FARSB: variants seen among roughly 807,000 people sequenced by gnomAD.
FARSB encodes phenylalanine--tRNA ligase beta subunit.
Under a neutral mutation model 69.6 loss-of-function variants are expected in FARSB, and 40 were observed. The ratio of observed to expected loss-of-function variants is 0.57; its 90% CI spans 0.45 to 0.75. The LOEUF (loss-of-function observed/expected upper bound fraction) is 0.75, where lower values mean the gene tolerates loss of function less well. Ranked by LOEUF, FARSB falls within the 30% of genes least tolerant of loss-of-function variation. The pLI, the probability that FARSB is intolerant of heterozygous loss-of-function variation, is 0.00. For synonymous variants in FARSB, 235 were observed against 247.2 expected, an observed-to-expected ratio of 0.95 and a Z score of 0.46; for missense variants, 632 against 722.9, an observed-to-expected ratio of 0.87 and a Z score of 1.44.
chr2:222,576,585 T>C (rs1033638049), intron 16 of FARSB, among the ~76,000 whole-genome samples: 1 of 152,150 alleles, frequency 6.6e-6, no homozygotes. Context: ...TGAGTAATTA[T>C]GTACTATGGA....
At position 222,615,076 on chromosome 2, in the gene FARSB, A is replaced by G. The variant is rs573930888; in HGVS notation, c.1345-1148T>C. Reference sequence around the variant, plus strand: ...TCATTTCATTCTTCCTATTCCTAAGAAATGCATACCCTGGTACATTAAAAA... The same window carrying G: ...TCATTTCATTCTTCCTATTCCTAAGGAATGCATACCCTGGTACATTAAAAA... On this transcript the variant is annotated intron_variant, in intron 14 of 16. Transcript: ENST00000281828. Among the ~76,000 whole-genome samples the G allele has an allele frequency of 7.2e-5, 11 of 152,322 alleles. No homozygotes were observed. In the East Asian group the frequency reaches 1.9e-3, roughly 27 times the overall value.
chr2:222,592,190 T>C (rs1200534868), intron 16 of FARSB, among the ~76,000 whole-genome samples: 2 of 152,138 alleles, frequency 1.3e-5, no homozygotes, highest in Non-Finnish European at 2.9e-5. Flanking sequence ...TAGTAAGTGC[T>C]CCAGGGGAAA....
In FARSB at chr2:222,570,197, C is replaced by G. The variant is rs1474828099; in HGVS notation, c.*1674G>C. ...CATCTTTTGGGAAATGTTTGCTCAACTCTTGCACATTTTTAAAAAACAGTT... is the reference window on the plus strand; with the variant it reads ...CATCTTTTGGGAAATGTTTGCTCAAGTCTTGCACATTTTTAAAAAACAGTT... On this transcript the variant is annotated 3_prime_UTR_variant, in exon 17 of 17. Coordinates refer to ENST00000281828, the MANE Select transcript of FARSB (RefSeq NM_005687.5). Among the ~76,000 whole-genome samples the G allele has an allele frequency of 6.6e-6, 1 of 152,204 alleles. No homozygotes were observed. The highest frequency in any genetic ancestry group is 2.4e-5 in the African/African-American group (1 of 41,452).
chr2:222,648,829 C>T, intron 1 of FARSB, 34 bp from the exon 2 acceptor site: 3 of 1,423,872 alleles, frequency 2.1e-6, no homozygotes, highest in Non-Finnish European at 3.0e-6. Flanking sequence ...GTTAATTTCA[C>T]TCTGTTCAGT....
chr2:222,625,512 A>C (rs1386859950), intron 10 of FARSB, among the ~76,000 whole-genome samples: 1 of 152,222 alleles, frequency 6.6e-6, no homozygotes, highest in African/African-American at 2.4e-5. Context: ...CAGAAGCACT[A>C]GCATCACCTG....
intron 15 of FARSB, among the ~76,000 whole-genome samples, chr2:222,613,551 A>AAAAT (rs1461542635): frequency 6.6e-6 from 1 of 152,186 alleles, no homozygotes; most frequent in Non-Finnish European, 1.5e-5. Flanking sequence ...CTCCAGGAAA[A>AAAAT]AAATAAATAA....
In FARSB at chr2:222,568,327, T is replaced by C. The variant is rs1689664182; in HGVS notation, c.*3544A>G. Reference sequence around the variant, plus strand: ...GTGTAGAAAGTCCCATTATTTACTTTCGCATAAATAAGTAAATAATGCAAA... The same window carrying C: ...GTGTAGAAAGTCCCATTATTTACTTCCGCATAAATAAGTAAATAATGCAAA... On this transcript the variant is annotated 3_prime_UTR_variant, in exon 17 of 17. Transcript: ENST00000281828. The surrounding 1 kb of genome is among the most constrained non-coding windows in gnomAD (Gnocchi z 4.3). 1 of 152,190 alleles carries C rather than the reference T, an allele frequency of 6.6e-6. No homozygotes were observed. The highest frequency in any genetic ancestry group is 1.5e-5 in the Non-Finnish European group (1 of 68,020). The allele number at this position is 152,190 out of a possible 1,614,324, so 9.4% of individuals were successfully genotyped here. A position where few individuals can be genotyped will look rare whatever the true frequency, so the allele number is the denominator to read the frequency against.
chr2:222,651,968 C>T (rs1461810586), intron 1 of FARSB, among the ~76,000 whole-genome samples: 1 of 152,182 alleles, frequency 6.6e-6, no homozygotes, highest in Non-Finnish European at 1.5e-5. Flanking sequence ...TCAAGAACAT[C>T]CAACATTTGC....
chr2:222,576,471 C>T (rs1369914543), intron 16 of FARSB, among the ~76,000 whole-genome samples: 2 of 152,036 alleles, frequency 1.3e-5, no homozygotes, highest in African/African-American at 4.8e-5. Context: ...TGAGTTTTAA[C>T]TATACATAAG....
intron 5 of FARSB, among the ~76,000 whole-genome samples, chr2:222,639,346 C>A (rs1156432694): frequency 6.6e-6 from 1 of 152,146 alleles, no homozygotes; most frequent in Non-Finnish European, 1.5e-5. Context: ...ATGCATATGG[C>A]ATTTACAAGC....
intron 16 of FARSB, among the ~76,000 whole-genome samples, chr2:222,580,141 T>C (rs904757047): frequency 2.0e-5 from 3 of 151,638 alleles, no homozygotes; most frequent in Non-Finnish European, 4.4e-5. Context: ...ATAAATATTA[T>C]ATATAATGAA....
chr2:222,594,093 CAAAAAAAAAAAA>C (rs33937937), intron 16 of FARSB, among the ~76,000 whole-genome samples: 6 of 51,548 alleles, frequency 1.2e-4, no homozygotes, highest in African/African-American at 6.2e-4. Flanking sequence ...CCCGCCTCTA[CAAAAAAAAAAAA>C]AAAAAAAAAA....
At chr2:222,593,380 A>G (rs1016511461) in intron 16 of FARSB, among the ~76,000 whole-genome samples, 1 of 152,202 alleles carries the variant, frequency 6.6e-6, no homozygotes, top group Non-Finnish European at 1.5e-5. Flanking sequence ...ACACTGCTAT[A>G]AAACTATGGC....
At chr2:222,655,991 C>A (rs1574962049) in intron 1 of FARSB, 25 bp downstream of exon 1, 4 of 1,571,680 alleles carry the variant, frequency 2.5e-6, no homozygotes, top group Non-Finnish European at 3.5e-6. Flanking sequence ...AGGCGTAGGG[C>A]CCAACGTATA....
chr2:222,579,167 G>A (rs568094817), intron 16 of FARSB, among the ~76,000 whole-genome samples: 1 of 152,322 alleles, frequency 6.6e-6, no homozygotes, highest in East Asian at 1.9e-4. Context: ...GTAGAGGCTG[G>A]AGAGTAAGCA....
intron 16 of FARSB, among the ~76,000 whole-genome samples, chr2:222,580,402 T>C (rs775479338): frequency 7.9e-5 from 12 of 151,994 alleles, no homozygotes; most frequent in Non-Finnish European, 1.6e-4. Flanking sequence ...GTTGTACACC[T>C]GCAATCCTAG....
At chr2:222,582,095 G>T (rs1689985395) in intron 16 of FARSB, among the ~76,000 whole-genome samples, 7 of 152,164 alleles carry the variant, frequency 4.6e-5, no homozygotes, top group Admixed American at 4.6e-4. Flanking sequence ...AGATACAGTG[G>T]CATTACCAAA....
At chr2:222,644,492 G>T (rs947609277) in intron 2 of FARSB, 1 of 451,562 alleles carries the variant, frequency 2.2e-6, no homozygotes, top group Non-Finnish European at 4.5e-6. Context: ...AATCAAAGGG[G>T]TTAATAAAAT....
intron 6 of FARSB, among the ~76,000 whole-genome samples, chr2:222,633,660 C>T (rs1487691324): frequency 1.1e-5 from 1 of 93,958 alleles, no homozygotes; most frequent in Non-Finnish European, 1.9e-5. Flanking sequence ...CCAGCCTGGG[C>T]AACAAGAGCG....
Sources: allele counts gnomAD v4.1 joint callset (sites outside exome capture counted in the v4.1 genomes callset), GRCh38; gene constraint gnomAD v4.1.1; non-coding constraint Gnocchi (gnomAD v3.1); transcripts MANE v1.5; gene names NCBI Gene and HGNC (gene_info 2026-07-23, HGNC 2026-07-21).